HDAC7: variants seen among roughly 807,000 people sequenced by gnomAD.
The protein encoded by HDAC7 is histone deacetylase 7A.
Under a neutral mutation model 115.5 loss-of-function variants are expected in HDAC7, and 26 were observed. That is an observed-to-expected ratio of 0.23 (90% CI 0.16 to 0.31). The LOEUF (loss-of-function observed/expected upper bound fraction) is 0.31. HDAC7 is among the 10% of genes least tolerant of loss of function. HDAC7 has a pLI of 1.00. For synonymous variants in HDAC7, 564 were observed against 550.9 expected, an observed-to-expected ratio of 1.02 and a Z score of -0.33; for missense variants, 1,068 against 1,329.0, an observed-to-expected ratio of 0.80 and a Z score of 3.05.
rs1231205171 is a variant in HDAC7 at position 47,793,768 on chromosome 12, C to A, written c.1459-180G>T. On this transcript the variant is annotated intron_variant, in intron 12 of 25. Transcript: ENST00000080059. This position sits in a 1 kb window ranked among gnomAD's most constrained non-coding sequence, Gnocchi z 4.5. Reference sequence around the variant, plus strand: ...TCTCTAAGCCCCCTGTCCCCTGCAGCCCCCTGACAGGTTTGCACCCCAGAC... The same window carrying A: ...TCTCTAAGCCCCCTGTCCCCTGCAGACCCCTGACAGGTTTGCACCCCAGAC... Among the ~76,000 whole-genome samples the A allele has an allele frequency of 4.6e-5, 7 of 152,162 alleles. No homozygotes were observed. The highest frequency in any genetic ancestry group is 4.6e-4 in the Admixed American group (7 of 15,270).
chr12:47,805,073 ATTT>A (rs561801413), intron 1 of HDAC7, among the ~76,000 whole-genome samples: 1 of 142,952 alleles, frequency 7.0e-6, no homozygotes. Flanking sequence ...TCTTTTCTTA[ATTT>A]TTTTTTTTTT....
rs1262961780 is a variant in HDAC7, at chr12:47,803,325, GC to G, written c.20-1052del. Among the ~76,000 whole-genome samples, 6 of 152,196 alleles carry G rather than the reference GC, an allele frequency of 3.9e-5. No homozygotes were observed. The highest frequency in any genetic ancestry group is 1.4e-4 in the African/African-American group (6 of 41,440). On this transcript the variant is annotated intron_variant, in intron 1 of 25. Transcript: ENST00000080059. The surrounding 1 kb of genome is among the most constrained non-coding windows in gnomAD (Gnocchi z 4.0). ...CAGAAGGGATATTTTTTGAGAAACT[GC>G]CGGGGTGCTCCTTTGGGTCTGTGTC...
chr12:47,808,152 C>T (rs749599955), intron 1 of HDAC7, among the ~76,000 whole-genome samples: 2 of 152,190 alleles, frequency 1.3e-5, no homozygotes, highest in African/African-American at 4.8e-5. Context: ...CCTCTTTCTC[C>T]GCCACCTCAG....
chr12:47,806,145 C>A (rs1197200691), intron 1 of HDAC7, among the ~76,000 whole-genome samples: 1 of 152,254 alleles, frequency 6.6e-6, no homozygotes, highest in Non-Finnish European at 1.5e-5. Flanking sequence ...CTGAATGCTT[C>A]TTGCTCAGAT....
rs759922620 is a variant in HDAC7, at chr12:47,796,236, G to A, written c.766C>T (p.His256Tyr). 4 of 1,606,450 alleles carry A rather than the reference G, an allele frequency of 2.5e-6. No homozygotes were observed. Among genetic ancestry groups the A allele is most frequent in the South Asian group, 2.2e-5 (2 of 89,174 alleles). Residue 256 changes from histidine to tyrosine, a missense_variant, in exon 8 of 26, where the codon CAC (histidine) becomes TAC (tyrosine). His to Tyr is a moderately conservative substitution (Grantham distance 83). Transcript: ENST00000080059. ...SGCSSPNDSE[H>Y]GPNPILGSEA... Reference sequence around the variant, plus strand: ...GAGCCCAGGATGGGATTGGGGCCGTGCTCGCTGTCATTGGGGGAGCTGCAC... The same window carrying A: ...GAGCCCAGGATGGGATTGGGGCCGTACTCGCTGTCATTGGGGGAGCTGCAC...
Position 47,791,643 on chromosome 12 carries a change from G to A in HDAC7, c.1876C>T (p.Leu626Phe). ...LQSVHSERHV[L>F]LYGTNPLSRL... is the part of the protein sequence containing the mutation. Reference sequence around the variant, plus strand: ...CTGAGCGGGTTGGTGCCGTAGAGGAGCACGTGCCGCTCAGAGTGGACCGAC... The same window carrying A: ...CTGAGCGGGTTGGTGCCGTAGAGGAACACGTGCCGCTCAGAGTGGACCGAC... The change falls in exon 15 of 26, where the codon CTC becomes TTC. Residue 626 changes from leucine to phenylalanine, a missense_variant. Transcript: ENST00000080059. 1.2e-6 allele frequency: 2 copies of A among 1,612,978 alleles called. No individual in the cohort carries two copies. Among genetic ancestry groups the A allele is most frequent in the Non-Finnish European group, 1.7e-6 (2 of 1,179,694 alleles).
chr12:47,798,526 T>TGGGGC lies in HDAC7; in HGVS notation c.349+31_349+35dup, dbSNP rs1264047976. On this transcript the variant is annotated intron_variant, in intron 4 of 25. Transcript: ENST00000080059. The surrounding 1 kb of genome is among the most constrained non-coding windows in gnomAD (Gnocchi z 4.3). Reference sequence around the variant, plus strand: ...CAGGCAGCCGCAGGCACCTGGCTGGTGGGGCTGGGCTGGGCTGGGGTGGCC... The same window carrying TGGGGC: ...CAGGCAGCCGCAGGCACCTGGCTGGTGGGGCGGGGCTGGGCTGGGCTGGGGTGGCC... 2.5e-6 allele frequency: 4 copies of TGGGGC among 1,591,472 alleles called. No individual in the cohort carries two copies. The Admixed American group carries it at 5.0e-5, about 20-fold the overall frequency.
At chr12:47,790,921 C>G (rs1465425543) in intron 16 of HDAC7, 2 of 419,532 alleles carry the variant, frequency 4.8e-6, no homozygotes, top group Non-Finnish European at 8.6e-6. Flanking sequence ...GACAGAGCAG[C>G]CTGGCGGCCA....
intron 1 of HDAC7, 199 bp from the exon 2 acceptor site, chr12:47,802,473 G>A: frequency 1.9e-6 from 3 of 1,551,122 alleles, no homozygotes; most frequent in Non-Finnish European, 2.6e-6. Context: ...TGGTGAAAAG[G>A]GCTCCCAGCT....
At position 47,783,461 on chromosome 12, in the gene HDAC7, T is replaced by G; in HGVS notation, c.*380A>C. The G allele has an allele frequency of 3.8e-6, 1 of 262,058 alleles. No individual in the cohort carries two copies. The highest frequency in any genetic ancestry group is 7.6e-6 in the Non-Finnish European group (1 of 131,002). 16.2% of individuals were successfully genotyped at this position (262,058 alleles called of 1,614,324 possible). A position where few individuals can be genotyped will look rare whatever the true frequency, so the allele number is the denominator to read the frequency against. Reference sequence around the variant, plus strand: ...CATTTCTGTGTGGAGCCTGAGGCTGTGTGCAAAGTCTGGGGTTTGCAGAGC... The same window carrying G: ...CATTTCTGTGTGGAGCCTGAGGCTGGGTGCAAAGTCTGGGGTTTGCAGAGC... On this transcript the variant is annotated 3_prime_UTR_variant, in exon 26 of 26. Transcript: ENST00000080059.
intron 1 of HDAC7, among the ~76,000 whole-genome samples, chr12:47,806,075 T>C (rs986232538): frequency 6.6e-6 from 1 of 152,254 alleles, no homozygotes; most frequent in Non-Finnish European, 1.5e-5. Flanking sequence ...GAAGCCGCCC[T>C]TTCTAACAGC....
chr12:47,791,528 T>G, intron 15 of HDAC7, 58 bp downstream of exon 15: 1 of 1,556,338 alleles, frequency 6.4e-7, no homozygotes, highest in Non-Finnish European at 8.7e-7. Flanking sequence ...GAGACAGGAG[T>G]GCATGGGAGC....
Position 47,795,779 on chromosome 12 carries a change from G to A in HDAC7, c.907-12C>T, listed in dbSNP as rs1332166495. The A allele has an allele frequency of 2.6e-6, 4 of 1,521,916 alleles. No individual in the cohort carries two copies. Among genetic ancestry groups the A allele is most frequent in the Non-Finnish European group, 3.5e-6 (4 of 1,131,252 alleles). 94.3% of individuals were successfully genotyped at this position (1,521,916 alleles called of 1,614,324 possible). A position where few individuals can be genotyped will look rare whatever the true frequency, so the allele number is the denominator to read the frequency against. ...CGGTCACTGTCAGCCTGGGGGAGAGGCGGGAGAAGTCACGGGGAAGAAGAT... is the reference window on the plus strand; with the variant it reads ...CGGTCACTGTCAGCCTGGGGGAGAGACGGGAGAAGTCACGGGGAAGAAGAT... On this transcript the variant is annotated splice_polypyrimidine_tract_variant and intron_variant, in intron 9 of 25. Coordinates refer to ENST00000080059, the MANE Select transcript of HDAC7 (RefSeq NM_015401.5). The surrounding 1 kb of genome is among the most constrained non-coding windows in gnomAD (Gnocchi z 4.3).
chr12:47,812,313 T>C (rs757344), intron 1 of HDAC7, among the ~76,000 whole-genome samples: 72,892 of 152,086 alleles, frequency 0.48, 18,103 homozygotes, highest in East Asian at 0.89. Flanking sequence ...GGATTTGGCC[T>C]GGTTTTTTCT....
chr12:47,814,763 G>A (rs560894551), intron 1 of HDAC7, among the ~76,000 whole-genome samples: 3 of 152,324 alleles, frequency 2.0e-5, no homozygotes, highest in Admixed American at 6.5e-5. Flanking sequence ...TCACAAGCAC[G>A]GCTCCAGAGG....
chr12:47,798,737 G>C lies in HDAC7; in HGVS notation c.258+48C>G. On this transcript the variant is annotated intron_variant, in intron 3 of 25. Coordinates refer to ENST00000080059, the MANE Select transcript of HDAC7 (RefSeq NM_015401.5). The surrounding 1 kb of genome is among the most constrained non-coding windows in gnomAD (Gnocchi z 4.3). The stretch of plus-strand genomic sequence containing the variant: ...TAGGGATGCTGAAGGCGGGGAGGCT[G>C]GGGACCAAGCTCAAGGTGGCCCCAC... 1 of 1,556,476 alleles carries C rather than the reference G, an allele frequency of 6.4e-7. No individual in the cohort carries two copies. The highest frequency in any genetic ancestry group is 8.7e-7 in the Non-Finnish European group (1 of 1,148,630).
chr12:47,784,696 A>G, intron 24 of HDAC7: 1 of 1,534,556 alleles, frequency 6.5e-7, no homozygotes, highest in South Asian at 1.2e-5. Flanking sequence ...AGAACTGACC[A>G]TCACCACGGC....
At chr12:47,788,195 A>G in intron 19 of HDAC7, 31 bp from the exon 20 acceptor site, 2 of 1,579,790 alleles carry the variant, frequency 1.3e-6, no homozygotes, top group Non-Finnish European at 1.7e-6. Context: ...CGATTAGGGA[A>G]GGCAGAGAGA....
intron 25 of HDAC7, 82 bp from the exon 26 acceptor site, chr12:47,783,968 C>A: frequency 3.1e-6 from 5 of 1,602,764 alleles, no homozygotes; most frequent in South Asian, 1.1e-5. Context: ...CAACCCTGGT[C>A]AGGAAGCCTG....
Sources: gnomAD v4.1 joint callset for allele counts (sites outside exome capture counted in the v4.1 genomes callset) on GRCh38, gnomAD v4.1.1 for gene constraint, Gnocchi (gnomAD v3.1) non-coding constraint, MANE v1.5 for transcripts, NCBI Gene and HGNC (gene_info 2026-07-23, HGNC 2026-07-21) for gene names.